Variants in KIF6 observed in about 807,000 individuals in gnomAD.
KIF6 encodes the protein kinesin-like protein KIF6.
In KIF6, 106 loss-of-function variants were observed where a neutral mutation model predicts 112.7. The observed-to-expected ratio is 0.94, with a 90% confidence interval of 0.80 to 1.11. The LOEUF is 1.11. Among genes scored for constraint, KIF6 ranks in the 50% least tolerant of loss-of-function variants. KIF6 has a pLI of 0.00. For synonymous variants in KIF6, 339 were observed against 339.9 expected (o/e 1.00, Z 0.03); for missense variants, 929 against 964.0 (o/e 0.96, Z 0.48).
chr6:39,367,939 G>T (rs1033456513), intron 16 of KIF6, among the ~76,000 whole-genome samples: 2 of 152,232 alleles, frequency 1.3e-5, no homozygotes, highest in African/African-American at 4.8e-5. Context: ...GTTAAAATTT[G>T]TCAATAGGGT....
At chr6:39,352,546 G>A (rs915857455) in intron 19 of KIF6, among the ~76,000 whole-genome samples, 3 of 149,880 alleles carry the variant, frequency 2.0e-5, no homozygotes, top group Non-Finnish European at 4.4e-5. Flanking sequence ...CTTTTCATAT[G>A]AGCATCTTTC....
chr6:39,449,062 A>C (rs1027114592), intron 13 of KIF6, among the ~76,000 whole-genome samples: 1 of 152,174 alleles, frequency 6.6e-6, no homozygotes, highest in Admixed American at 6.5e-5. Flanking sequence ...ATAATGCCTT[A>C]CACCTCTCTG....
chr6:39,610,932 A>C (rs1783180416), intron 6 of KIF6, among the ~76,000 whole-genome samples: 1 of 152,220 alleles, frequency 6.6e-6, no homozygotes, highest in African/African-American at 2.4e-5. Flanking sequence ...ATTAATGCAC[A>C]ACCAGCATTA....
At chr6:39,636,753 T>C (rs1457839935) in intron 4 of KIF6, among the ~76,000 whole-genome samples, 1 of 152,076 alleles carries the variant, frequency 6.6e-6, no homozygotes, top group Non-Finnish European at 1.5e-5. Context: ...TTTTAAAATT[T>C]ATCCAAAATA....
At chr6:39,560,156 C>T (rs1227336184) in intron 10 of KIF6, among the ~76,000 whole-genome samples, 21 of 152,160 alleles carry the variant, frequency 1.4e-4, no homozygotes, top group Admixed American at 1.3e-3. Context: ...TGAAGAAAGG[C>T]CTCAACAACT....
At chr6:39,499,877 T>C (rs1776021360) in intron 13 of KIF6, among the ~76,000 whole-genome samples, 1 of 152,186 alleles carries the variant, frequency 6.6e-6, no homozygotes, top group African/African-American at 2.4e-5. Flanking sequence ...GCTAGATATA[T>C]AAGCTCCCTA....
At chr6:39,455,405 C>A (rs1336986745) in intron 13 of KIF6, among the ~76,000 whole-genome samples, 2 of 151,640 alleles carry the variant, frequency 1.3e-5, no homozygotes, top group East Asian at 3.9e-4. Flanking sequence ...GTAGATAAAA[C>A]CACAAAGATG....
chr6:39,447,839 A>T (rs1772427502), intron 13 of KIF6, among the ~76,000 whole-genome samples: 1 of 151,996 alleles, frequency 6.6e-6, no homozygotes, highest in Admixed American at 6.6e-5. Flanking sequence ...ACTCCACTGA[A>T]ATTGTCCTTT....
intron 3 of KIF6, among the ~76,000 whole-genome samples, chr6:39,676,308 G>A (rs1483955294): frequency 2.4e-5 from 1 of 42,396 alleles, no homozygotes; most frequent in Non-Finnish European, 6.5e-5. Context: ...AAGCTAAAGA[G>A]TGATGGAATC....
chr6:39,387,441 T>G (rs971259767), intron 15 of KIF6, among the ~76,000 whole-genome samples: 1 of 152,210 alleles, frequency 6.6e-6, no homozygotes, highest in Non-Finnish European at 1.5e-5. Context: ...CTGGGGCACC[T>G]GCATGTCTGT....
chr6:39,693,712 G>T (rs35411880), intron 3 of KIF6, among the ~76,000 whole-genome samples: 49,281 of 151,744 alleles, frequency 0.32, 9,274 homozygotes, highest in Non-Finnish European at 0.4. Context: ...TGAGCCAGAA[G>T]GATTTATAGC....
At chr6:39,409,946 G>C (rs1330177760) in intron 15 of KIF6, among the ~76,000 whole-genome samples, 1 of 152,214 alleles carries the variant, frequency 6.6e-6, no homozygotes, top group African/African-American at 2.4e-5. Context: ...ATCAATACAA[G>C]ACAATAAAAC....
At chr6:39,572,428 G>C (rs540490887) in intron 10 of KIF6, among the ~76,000 whole-genome samples, 1 of 151,992 alleles carries the variant, frequency 6.6e-6, no homozygotes, top group African/African-American at 2.4e-5. Context: ...AATGATTAGC[G>C]TCTAGTAGGT....
chr6:39,637,641 G>A (rs1220038326), intron 4 of KIF6, among the ~76,000 whole-genome samples: 3 of 151,946 alleles, frequency 2.0e-5, no homozygotes, highest in Non-Finnish European at 4.4e-5. Flanking sequence ...AGAGCTCCAT[G>A]TACCTCTCTA....
chr6:39,359,793 C>A (rs1329030779), intron 18 of KIF6, among the ~76,000 whole-genome samples: 1 of 152,130 alleles, frequency 6.6e-6, no homozygotes, highest in Non-Finnish European at 1.5e-5. Flanking sequence ...GAGACAGGGT[C>A]TTGCCATGTT....
intron 13 of KIF6, among the ~76,000 whole-genome samples, chr6:39,488,492 A>C (rs924329053): frequency 5.3e-5 from 8 of 152,178 alleles, no homozygotes; most frequent in Non-Finnish European, 4.4e-5. Context: ...TTCTCCCAGA[A>C]GCCTTTTATG....
At chr6:39,383,464 G>A (rs1767144698) in intron 16 of KIF6, among the ~76,000 whole-genome samples, 1 of 152,242 alleles carries the variant, frequency 6.6e-6, no homozygotes, top group South Asian at 2.1e-4. Context: ...GAGATCAGTT[G>A]GTTGTAGGTG....
chr6:39,715,918 C>G (rs535966865), intron 2 of KIF6, among the ~76,000 whole-genome samples: 1 of 152,136 alleles, frequency 6.6e-6, no homozygotes, highest in Admixed American at 6.5e-5. Flanking sequence ...CAACATAACA[C>G]ATAGCTGCTG....
At chr6:39,385,964 C>T (rs978275615) in intron 15 of KIF6, among the ~76,000 whole-genome samples, 7 of 152,068 alleles carry the variant, frequency 4.6e-5, no homozygotes, top group Non-Finnish European at 7.4e-5. Context: ...TCACTGAGGC[C>T]CCTATTCTCT....
Sources: gnomAD v4.1 joint callset for allele counts (sites outside exome capture counted in the v4.1 genomes callset) on GRCh38, gnomAD v4.1.1 for gene constraint, MANE v1.5 for transcripts, NCBI Gene and HGNC (gene_info 2026-07-23, HGNC 2026-07-21) for gene names.